SLFN12L: variants seen among roughly 807,000 people sequenced by gnomAD.
SLFN12L encodes the protein schlafen family member 12 like.
A neutral mutation model predicts 34.8 loss-of-function variants in SLFN12L; 34 were observed. That is an observed-to-expected ratio of 0.98 (90% CI 0.74 to 1.30). The LOEUF is 1.30. Among genes scored for constraint, SLFN12L ranks in the 50% most tolerant of loss-of-function variants. The pLI is 0.00. For missense variants in SLFN12L, 703 were observed against 696.2 expected, an observed-to-expected ratio of 1.01 and a Z score of -0.11; for synonymous variants, 259 against 247.5, an observed-to-expected ratio of 1.05 and a Z score of -0.44.
intron 1 of SLFN12L, among the ~76,000 whole-genome samples, chr17:35,529,615 GTTCTCTCTCATAA>G (rs1039960938): frequency 3.2e-4 from 48 of 149,536 alleles, no homozygotes; most frequent in Non-Finnish European, 3.8e-4. Flanking sequence ...AATACCACAT[GTTCTCTCTCATAA>G]GTGGGAGTTG....
At chr17:35,508,906 A>C (rs1184017709) in intron 2 of SLFN12L, among the ~76,000 whole-genome samples, 4 of 152,190 alleles carry the variant, frequency 2.6e-5, no homozygotes, top group Admixed American at 6.5e-5. Context: ...GGAAGATAGC[A>C]TTATGACATC....
chr17:35,513,344 C>T (rs1161764382), intron 2 of SLFN12L, among the ~76,000 whole-genome samples: 1 of 151,818 alleles, frequency 6.6e-6, no homozygotes, highest in Non-Finnish European at 1.5e-5. Flanking sequence ...GACACTGGAA[C>T]TGTATTTCTC....
rs766713701 is a variant in SLFN12L at position 35,522,306 on chromosome 17, T to C, written c.59A>G (p.Glu20Gly). The change falls in exon 2 of 5, where the codon GAA becomes GGA. Residue 20 changes from glutamate (E) to glycine (G), a missense_variant. By Grantham distance (98) the Glu-to-Gly change is moderately conservative. Transcript: ENST00000628453. The stretch of plus-strand genomic sequence containing the variant: ...GATGAAATTCCTCAGAAACTGACTT[T>C]CACAAATGTAGAGAATTCTGTGTGC... ...CEAHRILYIC[E>G]SQFLRNFIRK... is the part of the protein sequence containing the mutation. 6.2e-7 allele frequency: 1 copy of C among 1,614,118 alleles called. No homozygotes were observed. Among genetic ancestry groups the C allele is most frequent in the Non-Finnish European group, 8.5e-7 (1 of 1,180,006 alleles).
intron 2 of SLFN12L, among the ~76,000 whole-genome samples, chr17:35,518,284 G>T (rs1054231426): frequency 2.6e-5 from 4 of 152,184 alleles, no homozygotes; most frequent in African/African-American, 9.7e-5. Flanking sequence ...AGGTGTGGTG[G>T]CCCACGCCTG....
chr17:35,512,523 G>A (rs56033615), intron 2 of SLFN12L, among the ~76,000 whole-genome samples: 11,024 of 152,082 alleles, frequency 0.072, 746 homozygotes, highest in African/African-American at 0.17. Context: ...CCGCCACCAT[G>A]TCCGGCTAAT....
rs1229842095 is a variant in SLFN12L, at chr17:35,471,798, A to G, written c.*3125T>C. Reference sequence around the variant, plus strand: ...GTGTCTCATTGTGGTTTTGATTTGCATTTCTCTAATGATAAGTGATGTTGA... The same window carrying G: ...GTGTCTCATTGTGGTTTTGATTTGCGTTTCTCTAATGATAAGTGATGTTGA... On this transcript the variant is annotated 3_prime_UTR_variant, in exon 5 of 5. Transcript: ENST00000628453. 3.9e-5 allele frequency among the ~76,000 whole-genome samples: 6 copies of G among 151,936 alleles called. No homozygotes were observed. Among genetic ancestry groups the G allele is most frequent in the Non-Finnish European group, 7.4e-5 (5 of 67,972 alleles).
chr17:35,536,644 A>G (rs80016880), intron 1 of SLFN12L, among the ~76,000 whole-genome samples: 5,040 of 151,568 alleles, frequency 0.033, 105 homozygotes, highest in South Asian at 0.083. Context: ...CAGTCTCTAC[A>G]AAATATAAAA....
chr17:35,505,739 C>T (rs778762038), intron 2 of SLFN12L, among the ~76,000 whole-genome samples: 3 of 152,170 alleles, frequency 2.0e-5, no homozygotes, highest in Non-Finnish European at 4.4e-5. Context: ...GCTTCGCCAA[C>T]CCCTGTAAAG....
intron 2 of SLFN12L, chr17:35,490,866 C>T: frequency 1.1e-6 from 1 of 927,874 alleles, no homozygotes; most frequent in Non-Finnish European, 1.8e-6. Context: ...TTGAGGTTTA[C>T]TTATGTCCAG....
chr17:35,489,922 C>T lies in SLFN12L; in HGVS notation c.87-9727G>A, dbSNP rs974156651. ...AGTTTATACAGCACAGCATCTTATG[C>T]TCCAAGTGGGACAAAAATCCCACAA... On this transcript the variant is annotated intron_variant, in intron 2 of 4. Transcript: ENST00000628453. 5.3e-5 allele frequency: 59 copies of T among 1,120,326 alleles called. No homozygotes were observed. In the Admixed American group the frequency reaches 6.2e-4, roughly 12 times the overall value. The allele number at this position is 1,120,326 out of a possible 1,614,324, so 69.4% of individuals were successfully genotyped here.
chr17:35,522,784 G>C lies in SLFN12L; in HGVS notation c.-420C>G. On this transcript the variant is annotated 5_prime_UTR_variant, in exon 2 of 5. Transcript: ENST00000628453. ...CCAGGGCTGTTCTATGCTATCAGCA[G>C]AGCATCACAGATGACTCCTGGCTTC... 6.4e-7 allele frequency: 1 copy of C among 1,562,432 alleles called. No individual in the cohort carries two copies. The highest frequency in any genetic ancestry group is 1.1e-5 in the South Asian group (1 of 88,976).
chr17:35,500,636 G>A (rs1915260255), intron 2 of SLFN12L, among the ~76,000 whole-genome samples: 1 of 152,094 alleles, frequency 6.6e-6, no homozygotes, highest in South Asian at 2.1e-4. Context: ...GACTGAGGCA[G>A]GAGAATGGCA....
chr17:35,476,513 G>GGAAA lies in SLFN12L; in HGVS notation c.1277-1029_1277-1028insTTTC, dbSNP rs1270264125. On this transcript the variant is annotated intron_variant, in intron 4 of 4. Coordinates refer to ENST00000628453, the MANE Select transcript of SLFN12L (RefSeq NM_001363830.2). The stretch of plus-strand genomic sequence containing the variant: ...AGGAAGGAAGGAAGGAAGGAAGGAA[G>GGAAA]GAAGGAAAGAAGGAAGGAAGGAGAA... Among the ~76,000 whole-genome samples, 530 of 128,872 alleles carry GGAAA rather than the reference G, an allele frequency of 4.1e-3. 4 individuals are homozygous for GGAAA. Among genetic ancestry groups the GGAAA allele is most frequent in the Middle Eastern group, 0.016 (4 of 252 alleles). 84.5% of individuals were successfully genotyped at this position (128,872 alleles called of 152,430 possible).
At chr17:35,486,767 T>C (rs62078152) in intron 2 of SLFN12L, among the ~76,000 whole-genome samples, 2,885 of 152,216 alleles carry the variant, frequency 0.019, 40 homozygotes, top group Non-Finnish European at 0.029. Flanking sequence ...AACTCATGAT[T>C]TAGGCTATGT....
chr17:35,492,089 C>T (rs544982951), intron 2 of SLFN12L, among the ~76,000 whole-genome samples: 12 of 152,272 alleles, frequency 7.9e-5, no homozygotes, highest in Admixed American at 5.9e-4. Flanking sequence ...CCTGTGGCAC[C>T]CATCACCATT....
rs566667044 is a variant in SLFN12L, at chr17:35,468,453, G to A, written c.*6470C>T. The stretch of plus-strand genomic sequence containing the variant: ...ATCGATCCAGCTTACCGTCAGAGAT[G>A]AATTTACCCCTGCACCAGACATGGC... On this transcript the variant is annotated 3_prime_UTR_variant, in exon 5 of 5. Transcript: ENST00000628453. 6.6e-6 allele frequency among the ~76,000 whole-genome samples: 1 copy of A among 152,276 alleles called. No individual in the cohort carries two copies. The highest frequency in any genetic ancestry group is 2.1e-4 in the South Asian group (1 of 4,824).
intron 1 of SLFN12L, among the ~76,000 whole-genome samples, chr17:35,529,321 T>C (rs1025595653): frequency 5.3e-5 from 8 of 152,172 alleles, no homozygotes; most frequent in Non-Finnish European, 8.8e-5. Flanking sequence ...GAAATACCAT[T>C]TGACCCAGCA....
At chr17:35,518,318 G>T (rs778689369) in intron 2 of SLFN12L, among the ~76,000 whole-genome samples, 1 of 152,168 alleles carries the variant, frequency 6.6e-6, no homozygotes, top group Non-Finnish European at 1.5e-5. Context: ...TTGGGATGCC[G>T]AGGTGGGTGG....
intron 2 of SLFN12L, chr17:35,500,439 C>T (rs1349758222): frequency 2.0e-5 from 3 of 152,274 alleles, no homozygotes; most frequent in Admixed American, 1.3e-4. Flanking sequence ...AAAGATCCAC[C>T]CCTGACCTGG....
Sources: allele counts gnomAD v4.1 joint callset (sites outside exome capture counted in the v4.1 genomes callset), GRCh38; gene constraint gnomAD v4.1.1; transcripts MANE v1.5; gene names NCBI Gene and HGNC (gene_info 2026-07-23, HGNC 2026-07-21).